Variants in PTH2R observed in about 807,000 individuals in gnomAD.
PTH2R encodes parathyroid hormone 2 receptor.
PTH2R carries 59 observed loss-of-function variants against 60.3 expected under a neutral mutation model. The observed-to-expected ratio is 0.98, with a 90% CI of 0.79 to 1.22. The LOEUF (loss-of-function observed/expected upper bound fraction) is 1.22. Ranked by LOEUF, PTH2R falls within the 50% of genes most tolerant of loss-of-function variation. The pLI is 0.00. For synonymous variants in PTH2R, 256 were observed against 243.8 expected (o/e 1.05, Z -0.47); for missense variants, 749 against 682.6 (o/e 1.10, Z -1.08).
At chr2:208,485,752 C>G (rs1703259421) in intron 10 of PTH2R, among the ~76,000 whole-genome samples, 1 of 152,114 alleles carries the variant, frequency 6.6e-6, no homozygotes, top group Admixed American at 6.5e-5. Flanking sequence ...AAATCCTGCT[C>G]CCCCAATACC....
chr2:208,427,050 A>C (rs1701870656), intron 1 of PTH2R, among the ~76,000 whole-genome samples: 1 of 152,256 alleles, frequency 6.6e-6, no homozygotes, highest in Admixed American at 6.5e-5. Context: ...GAAATAAAAA[A>C]GAATATTTTC....
At chr2:208,488,935 T>G in intron 10 of PTH2R, 77 bp from the exon 11 acceptor site, 1 of 1,540,208 alleles carries the variant, frequency 6.5e-7, no homozygotes, top group Non-Finnish European at 8.8e-7. Context: ...TGCTAAGTTT[T>G]TTTTTTCCTC....
intron 9 of PTH2R, among the ~76,000 whole-genome samples, chr2:208,462,696 T>C (rs1227761595): frequency 1.3e-5 from 2 of 152,220 alleles, no homozygotes; most frequent in Non-Finnish European, 2.9e-5. Flanking sequence ...AATATCTGCA[T>C]TGGAAGTAAA....
intron 1 of PTH2R, among the ~76,000 whole-genome samples, chr2:208,392,241 C>T (rs1378809349): frequency 6.6e-6 from 1 of 152,184 alleles, no homozygotes; most frequent in African/African-American, 2.4e-5. Flanking sequence ...AGGTGAAGGT[C>T]CTGAACTATT....
At chr2:208,425,393 A>G (rs1701836831) in intron 1 of PTH2R, among the ~76,000 whole-genome samples, 1 of 152,176 alleles carries the variant, frequency 6.6e-6, no homozygotes, top group African/African-American at 2.4e-5. Context: ...TGCCATGGCA[A>G]CACTGAAAGT....
At chr2:208,415,228 T>C (rs1340793385) in intron 1 of PTH2R, among the ~76,000 whole-genome samples, 1 of 152,232 alleles carries the variant, frequency 6.6e-6, no homozygotes, top group Non-Finnish European at 1.5e-5. Flanking sequence ...TACTATCTTA[T>C]ATAAATAAAT....
At chr2:208,399,826 C>T (rs1701274567) in intron 1 of PTH2R, among the ~76,000 whole-genome samples, 1 of 152,082 alleles carries the variant, frequency 6.6e-6, no homozygotes, top group Admixed American at 6.6e-5. Flanking sequence ...TTGAGGACTC[C>T]CAACATAGCA....
intron 7 of PTH2R, among the ~76,000 whole-genome samples, chr2:208,447,327 G>A (rs1463060094): frequency 2.0e-5 from 3 of 151,924 alleles, no homozygotes; most frequent in African/African-American, 7.3e-5. Flanking sequence ...AGTGGCTCAC[G>A]CCTGTAATCC....
intron 2 of PTH2R, among the ~76,000 whole-genome samples, chr2:208,429,179 C>T (rs1207989878): frequency 6.6e-6 from 1 of 151,588 alleles, no homozygotes; most frequent in Non-Finnish European, 1.5e-5. Flanking sequence ...TGTATGCCCT[C>T]TAGTTTCTGA....
chr2:208,416,577 T>G (rs1001984574), intron 1 of PTH2R, among the ~76,000 whole-genome samples: 1 of 152,206 alleles, frequency 6.6e-6, no homozygotes, highest in Non-Finnish European at 1.5e-5. Flanking sequence ...TATCTGCCGT[T>G]CTGTATGTGA....
In PTH2R at chr2:208,493,696, A is replaced by G. The variant is rs1054133187; in HGVS notation, c.*37A>G. On this transcript the variant is annotated 3_prime_UTR_variant, in exon 13 of 13. Coordinates refer to ENST00000272847, the MANE Select transcript of PTH2R (RefSeq NM_005048.4). ...TGGCTGACTTTCATGGGCTGGTCCAATGGCTGGTTGTGTGAGAGGGCTTGG... is the reference window on the plus strand; with the variant it reads ...TGGCTGACTTTCATGGGCTGGTCCAGTGGCTGGTTGTGTGAGAGGGCTTGG... 5.3e-6 allele frequency: 8 copies of G among 1,514,092 alleles called. No homozygotes were observed. Among genetic ancestry groups the G allele is most frequent in the South Asian group, 2.7e-5 (2 of 74,640 alleles). The allele number at this position is 1,514,092 out of a possible 1,614,324, so 93.8% of individuals were successfully genotyped here. A position where few individuals can be genotyped will look rare whatever the true frequency, so the allele number is the denominator to read the frequency against.
Position 208,465,388 on chromosome 2 carries a change from C to CTTTTTTTTTT in PTH2R, c.981+5450_981+5459dup, listed in dbSNP as rs60871321. ...ACATACTTGTTGGCTATTTGTAAGTCTTTTTTTTTTTTTTTTTTTTTTTTT... is the reference window on the plus strand; with the variant it reads ...ACATACTTGTTGGCTATTTGTAAGTCTTTTTTTTTTTTTTTTTTTTTTTTTTTTTTTTTTT... On this transcript the variant is annotated intron_variant, in intron 9 of 12. Coordinates refer to ENST00000272847, the MANE Select transcript of PTH2R (RefSeq NM_005048.4). Among the ~76,000 whole-genome samples, 8 of 39,932 alleles carry CTTTTTTTTTT rather than the reference C, an allele frequency of 2.0e-4. 1 individual carries two copies. Among genetic ancestry groups the CTTTTTTTTTT allele is most frequent in the African/African-American group, 2.3e-4 (2 of 8,740 alleles). The allele number at this position is 39,932 out of a possible 152,430, so 26.2% of individuals were successfully genotyped here.
chr2:208,384,331 A>G (rs1177334493), intron 1 of PTH2R, among the ~76,000 whole-genome samples: 1 of 152,208 alleles, frequency 6.6e-6, no homozygotes, highest in Non-Finnish European at 1.5e-5. Flanking sequence ...GCCTGTAAGA[A>G]TAGGGCATGA....
At chr2:208,398,339 C>T (rs549004805) in intron 1 of PTH2R, among the ~76,000 whole-genome samples, 21 of 152,112 alleles carry the variant, frequency 1.4e-4, no homozygotes, top group Non-Finnish European at 2.4e-4. Context: ...GCCAGAATGG[C>T]CGTGGAAGTC....
chr2:208,407,159 T>G, intron 1 of PTH2R, 41 bp downstream of exon 1: 1 of 1,393,698 alleles, frequency 7.2e-7, no homozygotes, highest in Non-Finnish European at 9.4e-7. Flanking sequence ...TCGCGGAGCC[T>G]CCGGCGGGGA....
chr2:208,362,918 A>G (rs928313598), intron 1 of PTH2R, among the ~76,000 whole-genome samples: 5 of 152,052 alleles, frequency 3.3e-5, no homozygotes, highest in African/African-American at 4.8e-5. Context: ...TCTGATTTGC[A>G]CATCTCTGAT....
chr2:208,429,084 CA>C (rs55835317), intron 2 of PTH2R, among the ~76,000 whole-genome samples: 68,968 of 125,838 alleles, frequency 0.55, 19,518 homozygotes, highest in East Asian at 0.85. Flanking sequence ...CTCTCTGTCT[CA>C]AAAAAAAAAA....
intron 1 of PTH2R, among the ~76,000 whole-genome samples, chr2:208,364,846 A>G (rs1700546945): frequency 6.7e-6 from 1 of 149,752 alleles, no homozygotes. Context: ...TCTTTCAGTA[A>G]TGTTTTATAG....
intron 9 of PTH2R, among the ~76,000 whole-genome samples, chr2:208,471,451 G>A (rs1702877179): frequency 6.6e-6 from 1 of 152,242 alleles, no homozygotes; most frequent in South Asian, 2.1e-4. Flanking sequence ...TGGCTGAAAG[G>A]GGCCAATGTA....
Sources: allele counts gnomAD v4.1 joint callset (sites outside exome capture counted in the v4.1 genomes callset), GRCh38; gene constraint gnomAD v4.1.1; transcripts MANE v1.5; gene names NCBI Gene and HGNC (gene_info 2026-07-23, HGNC 2026-07-21).